ROBO2: variants seen among roughly 807,000 people sequenced by gnomAD.
ROBO2 encodes the protein roundabout homolog 2.
In ROBO2, 53 loss-of-function variants were observed where a neutral mutation model predicts 160.8. That is an observed-to-expected ratio of 0.33 (90% CI 0.26 to 0.41). The LOEUF (loss-of-function observed/expected upper bound fraction) is 0.41, where lower values mean the gene tolerates loss of function less well. Ranked by LOEUF, ROBO2 falls within the 10% of genes least tolerant of loss-of-function variation. The pLI, the probability that ROBO2 is intolerant of heterozygous loss-of-function variation, is 1.00. For missense variants in ROBO2, 1,577 were observed against 1,722.4 expected (o/e 0.92, Z 1.49); for synonymous variants, 664 against 611.7 (o/e 1.09, Z -1.26).
chr3:77,513,801 G>A (rs1253818466), intron 5 of ROBO2, among the ~76,000 whole-genome samples: 1 of 151,524 alleles, frequency 6.6e-6, no homozygotes, highest in African/African-American at 2.4e-5. Context: ...TCAATTCACG[G>A]TACAGTGATG....
chr3:76,375,103 G>C (rs930804978), intron 2 of ROBO2, among the ~76,000 whole-genome samples: 4 of 151,804 alleles, frequency 2.6e-5, no homozygotes, highest in Non-Finnish European at 4.4e-5. Flanking sequence ...TTGTGAGGTA[G>C]AACATGAAAT....
intron 2 of ROBO2, among the ~76,000 whole-genome samples, chr3:77,245,998 G>A (rs955911002): frequency 1.3e-5 from 2 of 152,168 alleles, no homozygotes; most frequent in African/African-American, 4.8e-5. Context: ...TCAGAATTAA[G>A]TCCTGTGTTT....
intron 2 of ROBO2, among the ~76,000 whole-genome samples, chr3:76,224,874 C>T (rs1258934291): frequency 6.6e-6 from 1 of 152,148 alleles, no homozygotes; most frequent in Non-Finnish European, 1.5e-5. Context: ...AATGCACAAT[C>T]TCATTTCCCC....
intron 2 of ROBO2, among the ~76,000 whole-genome samples, chr3:77,373,966 A>G (rs1049944674): frequency 2.7e-5 from 4 of 150,916 alleles, no homozygotes; most frequent in Non-Finnish European, 5.9e-5. Flanking sequence ...TGAGGTCAGG[A>G]GTTCAAGACC....
intron 2 of ROBO2, among the ~76,000 whole-genome samples, chr3:76,744,988 G>A (rs532159894): frequency 9.2e-5 from 14 of 152,178 alleles, no homozygotes; most frequent in South Asian, 2.1e-4. Flanking sequence ...AAAGGATTCC[G>A]ATCAATTACC....
intron 4 of ROBO2, among the ~76,000 whole-genome samples, chr3:77,488,248 G>C (rs1263325404): frequency 2.0e-5 from 3 of 152,142 alleles, no homozygotes; most frequent in African/African-American, 7.2e-5. Context: ...AGCAAGTTAT[G>C]CAGGTGATTC....
intron 2 of ROBO2, among the ~76,000 whole-genome samples, chr3:76,443,131 G>A (rs889351697): frequency 1.3e-5 from 2 of 151,890 alleles, no homozygotes; most frequent in Non-Finnish European, 2.9e-5. Flanking sequence ...AAGAAGGGGT[G>A]GGGGAGGTGC....
intron 2 of ROBO2, among the ~76,000 whole-genome samples, chr3:75,986,714 A>AT (rs1165452251): frequency 1.3e-5 from 2 of 150,702 alleles, no homozygotes; most frequent in Admixed American, 6.6e-5. Flanking sequence ...TTTTGAGTCA[A>AT]TTTTTCTGCA....
In ROBO2 at chr3:77,101,278, G is replaced by A. The variant is rs559480841; in HGVS notation, c.388+2938G>A. 9.7e-4 allele frequency among the ~76,000 whole-genome samples: 148 copies of A among 152,066 alleles called. 1 individual carries two copies. The South Asian group carries it at 0.016, about 16-fold the overall frequency. ...TGTGACATGATCAATGAGAAGTAGAGGATGATTACTAGATTTGTTTTGTTT... is the reference window on the plus strand; with the variant it reads ...TGTGACATGATCAATGAGAAGTAGAAGATGATTACTAGATTTGTTTTGTTT... On this transcript the variant is annotated intron_variant, in intron 2 of 25. Transcript: ENST00000461745.
At chr3:77,614,811 T>G (rs1325935047) in intron 21 of ROBO2, among the ~76,000 whole-genome samples, 1 of 152,098 alleles carries the variant, frequency 6.6e-6, no homozygotes, top group Non-Finnish European at 1.5e-5. Flanking sequence ...ACAGGAAAAT[T>G]TCAAACTCCT....
At chr3:76,170,193 GA>G (rs2072991868) in intron 2 of ROBO2, among the ~76,000 whole-genome samples, 1 of 151,994 alleles carries the variant, frequency 6.6e-6, no homozygotes, top group Admixed American at 6.6e-5. Context: ...TGTTTTCCTG[GA>G]ATCTTCACAT....
intron 2 of ROBO2, among the ~76,000 whole-genome samples, chr3:77,152,237 G>A (rs1439758476): frequency 6.6e-6 from 1 of 152,044 alleles, no homozygotes; most frequent in African/African-American, 2.4e-5. Flanking sequence ...GAAGTACAAT[G>A]TAAGCCATAT....
At chr3:76,858,932 A>T (rs2070442374) in intron 2 of ROBO2, among the ~76,000 whole-genome samples, 1 of 152,234 alleles carries the variant, frequency 6.6e-6, no homozygotes, top group African/African-American at 2.4e-5. Context: ...GCTGTTGGAC[A>T]TATAGTGATG....
At chr3:76,892,447 C>T (rs1191465292) in intron 2 of ROBO2, among the ~76,000 whole-genome samples, 1 of 152,138 alleles carries the variant, frequency 6.6e-6, no homozygotes, top group Non-Finnish European at 1.5e-5. Flanking sequence ...TATTTCCCAC[C>T]TTTACTGTCA....
In ROBO2 at chr3:76,853,392, A is replaced by G. The variant is rs2069632181; in HGVS notation, c.110-244622A>G. Among the ~76,000 whole-genome samples the G allele has an allele frequency of 1.3e-5, 2 of 152,088 alleles. 1 individual carries two copies. The highest frequency in any genetic ancestry group is 4.1e-4 in the South Asian group (2 of 4,824). On this transcript the variant is annotated intron_variant, in intron 2 of 26. Coordinates refer to the ROBO2 transcript ENST00000487694. ...CTAAGACTTGTTCTAAGTAATGACT[A>G]GAGTCTTTCTGTGTATATGGTTTGA... is the stretch of plus-strand genomic sequence containing the variant.
intron 2 of ROBO2, among the ~76,000 whole-genome samples, chr3:76,102,391 A>G (rs1005773579): frequency 4.6e-5 from 7 of 152,212 alleles, no homozygotes; most frequent in Admixed American, 3.9e-4. Context: ...CTATACTTCT[A>G]TTGGATACCA....
intron 2 of ROBO2, among the ~76,000 whole-genome samples, chr3:76,778,859 A>G (rs553325612): frequency 5.3e-5 from 8 of 151,200 alleles, no homozygotes; most frequent in African/African-American, 1.9e-4. Context: ...ATCAGTAATT[A>G]AATAATAGAT....
intron 1 of ROBO2, among the ~76,000 whole-genome samples, chr3:77,060,550 C>T (rs1048329449): frequency 8.5e-5 from 13 of 152,280 alleles, no homozygotes; most frequent in South Asian, 2.1e-4. Context: ...TCACCTCAAG[C>T]TATTCCACTT....
intron 2 of ROBO2, among the ~76,000 whole-genome samples, chr3:76,265,243 T>G (rs1156535192): frequency 6.6e-6 from 1 of 152,106 alleles, no homozygotes; most frequent in Non-Finnish European, 1.5e-5. Context: ...AAGACTATAT[T>G]CTCCTTTAGG....
Sources: gnomAD v4.1 joint callset for allele counts (sites outside exome capture counted in the v4.1 genomes callset) on GRCh38, gnomAD v4.1.1 for gene constraint, MANE v1.5 for transcripts, NCBI Gene and HGNC (gene_info 2026-07-23, HGNC 2026-07-21) for gene names.